DIP2B: variants seen among roughly 807,000 people sequenced by gnomAD.
DIP2B encodes the protein disco-interacting protein 2 homolog B.
Under a neutral mutation model 198.0 loss-of-function variants are expected in DIP2B, and 76 were observed. The ratio of observed to expected loss-of-function variants is 0.38; its 90% confidence interval spans 0.32 to 0.46. The LOEUF (loss-of-function observed/expected upper bound fraction) is 0.46. DIP2B is among the 20% of genes least tolerant of loss of function. The pLI, the probability that DIP2B is intolerant of heterozygous loss-of-function variation, is 0.99. For missense variants in DIP2B, 1,559 were observed against 1,978.4 expected (o/e 0.79, Z 4.02); for synonymous variants, 701 against 739.1 (o/e 0.95, Z 0.84).
intron 1 of DIP2B, among the ~76,000 whole-genome samples, chr12:50,534,373 T>G (rs1340946072): frequency 6.9e-6 from 1 of 145,096 alleles, no homozygotes; most frequent in Non-Finnish European, 1.5e-5. Context: ...CATTTCATTT[T>G]TTTTTTTTTT....
chr12:50,644,661 CT>C (rs1441795200), intron 3 of DIP2B, among the ~76,000 whole-genome samples: 1 of 152,096 alleles, frequency 6.6e-6, no homozygotes, highest in African/African-American at 2.4e-5. Context: ...CTTTTTGACA[CT>C]GGTGTATGGG....
rs35145952 is a variant in DIP2B, at chr12:50,630,666, T to TA, written c.172+4619_172+4620insA. On this transcript the variant is annotated intron_variant, in intron 2 of 37. Transcript: ENST00000301180. ...ATCACCACGAATTCTTTCTTTTCTT[T>TA]TTTTTTTTTTTTTTTTTTTTTTGAG... Among the ~76,000 whole-genome samples, 15 of 118,324 alleles carry TA rather than the reference T, an allele frequency of 1.3e-4. No homozygotes were observed. The East Asian group carries it at 3.6e-3, about 28-fold the overall frequency. 77.6% of individuals were successfully genotyped at this position (118,324 alleles called of 152,430 possible).
intron 1 of DIP2B, among the ~76,000 whole-genome samples, chr12:50,541,039 T>TA (rs1565818148): frequency 6.6e-6 from 1 of 152,104 alleles, no homozygotes; most frequent in Non-Finnish European, 1.5e-5. Flanking sequence ...TTCTAGAATT[T>TA]AAAAAAATCA....
chr12:50,512,294 A>G (rs1385241056), intron 1 of DIP2B, among the ~76,000 whole-genome samples: 2 of 151,758 alleles, frequency 1.3e-5, no homozygotes, highest in East Asian at 3.9e-4. Flanking sequence ...TTTAGTAGAG[A>G]CGGGGTTTCA....
At chr12:50,559,268 G>A (rs1402109003) in intron 1 of DIP2B, among the ~76,000 whole-genome samples, 1 of 148,052 alleles carries the variant, frequency 6.8e-6, no homozygotes, top group Non-Finnish European at 1.5e-5. Flanking sequence ...CTGTAATTTA[G>A]TAGTTAATCT....
intron 1 of DIP2B, among the ~76,000 whole-genome samples, chr12:50,523,900 C>T (rs1367053259): frequency 6.6e-6 from 1 of 152,132 alleles, no homozygotes; most frequent in Non-Finnish European, 1.5e-5. Flanking sequence ...TCTGTTTATC[C>T]TGTCAGGAGG....
chr12:50,583,773 C>T (rs966330941), intron 1 of DIP2B, among the ~76,000 whole-genome samples: 1 of 152,128 alleles, frequency 6.6e-6, no homozygotes, highest in Admixed American at 6.6e-5. Flanking sequence ...GAGAAATAAT[C>T]CTTTATTAAA....
chr12:50,605,768 T>A (rs1958975620), intron 1 of DIP2B, among the ~76,000 whole-genome samples: 1 of 152,166 alleles, frequency 6.6e-6, no homozygotes, highest in South Asian at 2.1e-4. Flanking sequence ...GCAGCATGTA[T>A]CAGTACTTCA....
chr12:50,687,239 T>C (rs889739193), intron 12 of DIP2B, among the ~76,000 whole-genome samples: 2 of 152,190 alleles, frequency 1.3e-5, no homozygotes, highest in African/African-American at 2.4e-5. Context: ...TCCTCACAAG[T>C]ACCCTGTGAG....
chr12:50,736,449 C>T (rs1206292196), intron 34 of DIP2B, among the ~76,000 whole-genome samples: 2 of 152,156 alleles, frequency 1.3e-5, no homozygotes, highest in African/African-American at 4.8e-5. Context: ...ACCAGAGAGG[C>T]CCTTCTTTTG....
intron 1 of DIP2B, among the ~76,000 whole-genome samples, chr12:50,561,825 T>C (rs1301942271): frequency 2.0e-5 from 3 of 152,156 alleles, no homozygotes; most frequent in Non-Finnish European, 4.4e-5. Flanking sequence ...GCCAGGGTGG[T>C]CTCGAACTTC....
At chr12:50,671,498 C>G in intron 5 of DIP2B, 100 bp downstream of exon 5, 1 of 1,174,898 alleles carries the variant, frequency 8.5e-7, no homozygotes, top group Non-Finnish European at 1.2e-6. Context: ...TCAGTATGGC[C>G]TAAAAAAAAG....
At chr12:50,581,641 A>G (rs971135902) in intron 1 of DIP2B, among the ~76,000 whole-genome samples, 1 of 136,548 alleles carries the variant, frequency 7.3e-6, no homozygotes, top group Non-Finnish European at 1.5e-5. Context: ...CATTCACCAC[A>G]GTGGTAGGTG....
intron 1 of DIP2B, among the ~76,000 whole-genome samples, chr12:50,512,107 C>CTTT (rs35584870): frequency 0.043 from 5,217 of 122,188 alleles, 288 homozygotes; most frequent in Admixed American, 0.099. Flanking sequence ...AATGTAAGCT[C>CTTT]TTTTTTTTTT....
chr12:50,598,269 C>G (rs950819634), intron 1 of DIP2B, among the ~76,000 whole-genome samples: 3 of 152,030 alleles, frequency 2.0e-5, no homozygotes, highest in Non-Finnish European at 4.4e-5. Context: ...TTGGATTCAA[C>G]CTTCATCACA....
chr12:50,712,907 CA>C (rs150479901), intron 22 of DIP2B, among the ~76,000 whole-genome samples: 2 of 151,448 alleles, frequency 1.3e-5, no homozygotes, highest in Admixed American at 1.3e-4. Flanking sequence ...GACTCTGTCT[CA>C]AAAAAATAAA....
Position 50,747,247 on chromosome 12 carries a change from A to G in DIP2B, c.*2408A>G, listed in dbSNP as rs1473610754. 2 of 152,202 alleles carry G rather than the reference A, an allele frequency of 1.3e-5. No individual in the cohort carries two copies. Among genetic ancestry groups the G allele is most frequent in the Non-Finnish European group, 2.9e-5 (2 of 68,038 alleles). The allele number at this position is 152,202 out of a possible 1,614,324, so 9.4% of individuals were successfully genotyped here. A position where few individuals can be genotyped will look rare whatever the true frequency, so the allele number is the denominator to read the frequency against. On this transcript the variant is annotated 3_prime_UTR_variant, in exon 38 of 38. Transcript: ENST00000301180. The stretch of plus-strand genomic sequence containing the variant: ...CTACCATATTAGACAGTGCAGATCT[A>G]TACTCATTCCTTCAAATACATTACT...
chr12:50,588,238 G>A (rs4768898), intron 1 of DIP2B, among the ~76,000 whole-genome samples: 9,648 of 151,602 alleles, frequency 0.064, 1,038 homozygotes, highest in African/African-American at 0.22. Flanking sequence ...TGCAACCTCC[G>A]CCTCCCAGGT....
chr12:50,567,017 A>G (rs892862740), intron 1 of DIP2B, among the ~76,000 whole-genome samples: 4 of 150,410 alleles, frequency 2.7e-5, no homozygotes, highest in East Asian at 3.9e-4. Context: ...GAATCATTCT[A>G]TTGATCTGTA....
Sources: gnomAD v4.1 joint callset for allele counts (sites outside exome capture counted in the v4.1 genomes callset) on GRCh38, gnomAD v4.1.1 for gene constraint, MANE v1.5 for transcripts, NCBI Gene and HGNC (gene_info 2026-07-23, HGNC 2026-07-21) for gene names.